SECISBP2L: variants seen among roughly 807,000 people sequenced by gnomAD.
SECISBP2L encodes selenocysteine insertion sequence-binding protein 2-like.
Under a neutral mutation model 114.7 loss-of-function variants are expected in SECISBP2L, and 43 were observed. The observed-to-expected ratio is 0.38, with a 90% CI of 0.29 to 0.48. SECISBP2L has a LOEUF of 0.48. Ranked by LOEUF, SECISBP2L falls within the 20% of genes least tolerant of loss-of-function variation. The probability of loss-of-function intolerance (pLI) is 0.98; values close to 1 mark genes in which losing one functional copy is unlikely to be tolerated. For missense variants in SECISBP2L, 1,136 were observed against 1,301.1 expected (o/e 0.87, Z 1.95); for synonymous variants, 451 against 439.7 (o/e 1.03, Z -0.32).
At position 48,992,404 on chromosome 15, in the gene SECISBP2L, C is replaced by T. The variant is rs1902000238; in HGVS notation, c.3146G>A (p.Gly1049Glu). ...CTCAGGCGCCTCTGCTTCCTCTTCT[C>T]CACTTTGCTCTACATTGTCTTCCTC... ...GSEEDNVEQS[G>E]EEEAEAPEVL... is the part of the protein sequence containing the mutation. Residue 1049 changes from glycine (G) to glutamate (E), a missense_variant, in exon 18 of 18, where the codon GGA becomes GAA. Around this residue, in one of 2 missense-constraint regions of SECISBP2L, gnomAD observed 684 missense variants for 848.7 expected, o/e 0.81. Transcript: ENST00000559471. 1 of 1,614,192 alleles carries T rather than the reference C, an allele frequency of 6.2e-7. No homozygotes were observed. The highest frequency in any genetic ancestry group is 8.5e-7 in the Non-Finnish European group (1 of 1,180,046).
intron 17 of SECISBP2L, among the ~76,000 whole-genome samples, chr15:48,993,390 G>A (rs1469222945): frequency 1.3e-5 from 2 of 152,092 alleles, no homozygotes; most frequent in Admixed American, 1.3e-4. Flanking sequence ...GAATGCAAGA[G>A]ATCTTATACC....
chr15:49,008,739 T>A (rs1249641939), intron 14 of SECISBP2L, among the ~76,000 whole-genome samples: 1 of 152,228 alleles, frequency 6.6e-6, no homozygotes, highest in Non-Finnish European at 1.5e-5. Context: ...AGATGGGGTA[T>A]CATATTCTGT....
chr15:49,009,064 A>G, intron 14 of SECISBP2L, 152 bp downstream of exon 14: 1 of 731,992 alleles, frequency 1.4e-6, no homozygotes, highest in Non-Finnish European at 2.2e-6. Context: ...GCTTTAAATA[A>G]TAAACCCAGC....
At position 49,035,435 on chromosome 15, in the gene SECISBP2L, T is replaced by C. The variant is rs372125690; in HGVS notation, c.427A>G (p.Ile143Val). ...TFQAANTVNA[I>V]TTECTERPSQ... ...GGACGCTCAGTGCATTCTGTGGTGATAGCATTTACAGTATTTGCAGCCTGA... is the reference window on the plus strand; with the variant it reads ...GGACGCTCAGTGCATTCTGTGGTGACAGCATTTACAGTATTTGCAGCCTGA... The change falls in exon 3 of 18, where the codon ATC (isoleucine) becomes GTC (valine). Residue 143 changes from isoleucine to valine, a missense_variant. Around this residue, in one of 2 missense-constraint regions of SECISBP2L, gnomAD observed 452 missense variants for 452.3 expected, o/e 1.00. Coordinates refer to ENST00000559471, the MANE Select transcript of SECISBP2L (RefSeq NM_001193489.2). 19 of 1,614,072 alleles carry C rather than the reference T, an allele frequency of 1.2e-5. No homozygotes were observed. Among genetic ancestry groups the C allele is most frequent in the Admixed American group, 6.7e-5 (4 of 59,990 alleles).
intron 14 of SECISBP2L, among the ~76,000 whole-genome samples, chr15:49,005,559 GCTTT>G (rs1173322055): frequency 2.7e-5 from 2 of 74,006 alleles, no homozygotes; most frequent in African/African-American, 6.7e-5. Context: ...TGCAACCCCT[GCTTT>G]TTTTTTTTTT....
At chr15:49,008,640 T>C (rs969693748) in intron 14 of SECISBP2L, among the ~76,000 whole-genome samples, 1 of 152,234 alleles carries the variant, frequency 6.6e-6, no homozygotes, top group Non-Finnish European at 1.5e-5. Flanking sequence ...GATTCTTTCA[T>C]ATGTCATTTT....
chr15:49,000,574 G>C (rs2141061806), intron 15 of SECISBP2L, among the ~76,000 whole-genome samples: 1 of 152,268 alleles, frequency 6.6e-6, no homozygotes, highest in Middle Eastern at 3.4e-3. Context: ...AATTTTAAAA[G>C]CAGAATATAT....
chr15:48,999,780 G>A (rs1902165667), intron 16 of SECISBP2L, 53 bp downstream of exon 16: 1 of 1,575,168 alleles, frequency 6.3e-7, no homozygotes, highest in South Asian at 1.1e-5. Context: ...CGAAAAATGT[G>A]CTATCTGGGG....
chr15:49,013,902 TG>T (rs1421193672), intron 11 of SECISBP2L, among the ~76,000 whole-genome samples: 6 of 152,266 alleles, frequency 3.9e-5, no homozygotes, highest in African/African-American at 1.4e-4. Flanking sequence ...ACTTTTTTCT[TG>T]ATCCCCTAAT....
At chr15:49,029,873 T>G (rs1233226842) in intron 4 of SECISBP2L, among the ~76,000 whole-genome samples, 1 of 151,564 alleles carries the variant, frequency 6.6e-6, no homozygotes, top group Admixed American at 6.6e-5. Context: ...TTAATTTGTA[T>G]GTACCTGCTT....
intron 13 of SECISBP2L, among the ~76,000 whole-genome samples, chr15:49,011,043 A>G (rs1902428104): frequency 6.6e-6 from 1 of 152,376 alleles, no homozygotes; most frequent in Admixed American, 6.5e-5. Context: ...ACATGTCCCC[A>G]GTGAACAATC....
intron 13 of SECISBP2L, 152 bp from the exon 14 acceptor site, chr15:49,009,530 A>T: frequency 1.5e-6 from 1 of 670,426 alleles, no homozygotes; most frequent in Non-Finnish European, 2.5e-6. Context: ...CATATCACAA[A>T]TAAACATGTT....
intron 1 of SECISBP2L, among the ~76,000 whole-genome samples, chr15:49,041,597 T>C (rs1398312951): frequency 1.3e-5 from 2 of 152,086 alleles, no homozygotes; most frequent in African/African-American, 4.8e-5. Flanking sequence ...TCCTCAGACA[T>C]GGAACCTCCA....
At chr15:49,046,080 G>A (rs1376774968) in intron 1 of SECISBP2L, among the ~76,000 whole-genome samples, 196 bp downstream of exon 1, 2 of 152,216 alleles carry the variant, frequency 1.3e-5, no homozygotes, top group African/African-American at 2.4e-5. Context: ...GAAGTAATCA[G>A]GGTTGGAAAA....
At chr15:49,011,556 T>G in intron 13 of SECISBP2L, 175 bp downstream of exon 13, 1 of 693,904 alleles carries the variant, frequency 1.4e-6, no homozygotes, top group Non-Finnish European at 2.3e-6. Flanking sequence ...CCCCTTCTCT[T>G]TAACCATCTC....
Position 49,028,698 on chromosome 15 carries a change from A to G in SECISBP2L, c.665-16T>C, listed in dbSNP as rs1168083284. 2 of 1,592,478 alleles carry G rather than the reference A, an allele frequency of 1.3e-6. No individual in the cohort carries two copies. The highest frequency in any genetic ancestry group is 2.7e-5 in the African/African-American group (2 of 74,436). ...GATGGGAAATCTACAAAGGCAAGGA[A>G]AGTTTGACAATTCTTTGTGATGAAC... is the stretch of plus-strand genomic sequence containing the variant. On this transcript the variant is annotated splice_polypyrimidine_tract_variant and intron_variant, in intron 4 of 17. Transcript: ENST00000559471.
At chr15:49,029,616 A>G (rs555803242) in intron 4 of SECISBP2L, among the ~76,000 whole-genome samples, 1 of 152,298 alleles carries the variant, frequency 6.6e-6, no homozygotes, top group South Asian at 2.1e-4. Flanking sequence ...GTTGACATTG[A>G]TACACAGACA....
chr15:49,005,444 A>C (rs1372780354), intron 14 of SECISBP2L, among the ~76,000 whole-genome samples: 3 of 151,442 alleles, frequency 2.0e-5, no homozygotes, highest in Admixed American at 1.3e-4. Flanking sequence ...CATTTGGGAT[A>C]GTTACCTCAT....
chr15:49,043,448 T>C (rs1903181644), intron 1 of SECISBP2L, among the ~76,000 whole-genome samples: 1 of 152,158 alleles, frequency 6.6e-6, no homozygotes, highest in African/African-American at 2.4e-5. Flanking sequence ...TTTAAATTAT[T>C]TGTGATAACA....
Sources: allele counts gnomAD v4.1 joint callset (sites outside exome capture counted in the v4.1 genomes callset), GRCh38; gene constraint gnomAD v4.1.1; regional missense constraint gnomAD v4.1.1; transcripts MANE v1.5; gene names NCBI Gene and HGNC (gene_info 2026-07-23, HGNC 2026-07-21).